Variants in SEPTIN9 observed in about 807,000 individuals in gnomAD.
SEPTIN9 encodes the protein septin-9.
A neutral mutation model predicts 56.6 loss-of-function variants in SEPTIN9; 13 were observed. The ratio of observed to expected loss-of-function variants is 0.23; its 90% CI spans 0.15 to 0.37. The LOEUF is 0.37. SEPTIN9 is among the 10% of genes least tolerant of loss of function. SEPTIN9 has a pLI of 1.00. For synonymous variants in SEPTIN9, 332 were observed against 334.1 expected (o/e 0.99, Z 0.07); for missense variants, 650 against 823.1 (o/e 0.79, Z 2.57).
intron 2 of SEPTIN9, among the ~76,000 whole-genome samples, chr17:77,379,290 GA>G (rs2035055592): frequency 6.6e-6 from 1 of 152,020 alleles, no homozygotes; most frequent in African/African-American, 2.4e-5. Flanking sequence ...AGCCCACCGA[GA>G]GCCTGAGCCC....
chr17:77,365,055 T>A (rs897713385), intron 2 of SEPTIN9, among the ~76,000 whole-genome samples: 5 of 152,238 alleles, frequency 3.3e-5, no homozygotes, highest in African/African-American at 1.2e-4. Context: ...CCAGCCCTTA[T>A]GTGGTTCGGT....
chr17:77,475,343 A>G lies in SEPTIN9; in HGVS notation c.722-6801A>G. ...GCGAGGCAGGGCTTCCCCAGGATTC[A>G]GCAGGGATCTGAAGGACTTTGCAGG... On this transcript the variant is annotated intron_variant, in intron 3 of 11. Transcript: ENST00000427177. This position sits in a 1 kb window ranked among gnomAD's most constrained non-coding sequence, Gnocchi z 4.6. The G allele has an allele frequency of 7.0e-7, 1 of 1,432,458 alleles. No individual in the cohort carries two copies. Among genetic ancestry groups the G allele is most frequent in the Non-Finnish European group, 9.1e-7 (1 of 1,099,014 alleles). 88.7% of individuals were successfully genotyped at this position (1,432,458 alleles called of 1,614,324 possible).
intron 2 of SEPTIN9, among the ~76,000 whole-genome samples, chr17:77,395,142 T>C (rs2035663795): frequency 6.6e-6 from 1 of 152,028 alleles, no homozygotes; most frequent in African/African-American, 2.4e-5. Context: ...CTCGGACTCC[T>C]GGCTCAAGCG....
chr17:77,432,344 C>T (rs774384897), intron 3 of SEPTIN9, among the ~76,000 whole-genome samples: 81 of 151,980 alleles, frequency 5.3e-4, no homozygotes, highest in Non-Finnish European at 7.8e-4. Context: ...GTCATCATCA[C>T]GGCGGCATTG....
chr17:77,353,501 A>AG (rs1156831913), intron 2 of SEPTIN9, among the ~76,000 whole-genome samples: 1 of 152,168 alleles, frequency 6.6e-6, no homozygotes, highest in Non-Finnish European at 1.5e-5. Context: ...GCATTCAAGC[A>AG]GGGGCCATGT....
At position 77,341,946 on chromosome 17, in the gene SEPTIN9, G is replaced by A. The variant is rs1462058810; in HGVS notation, c.76+34749G>A. On this transcript the variant is annotated intron_variant, in intron 2 of 11. Transcript: ENST00000427177. ...AGATACGAAAAAAATAGCCGGGCGT[G>A]GTGGTGGGTGCCTGTAGTCCCAGCT... Among the ~76,000 whole-genome samples the A allele has an allele frequency of 2.6e-5, 4 of 151,718 alleles. No individual in the cohort carries two copies. In the East Asian group the frequency reaches 5.8e-4, roughly 22 times the overall value.
chr17:77,467,718 C>T (rs997999726), intron 3 of SEPTIN9, among the ~76,000 whole-genome samples: 3 of 152,330 alleles, frequency 2.0e-5, no homozygotes, highest in East Asian at 1.9e-4. Context: ...GCGGAGACGC[C>T]GTGGGAAAGG....
In SEPTIN9 at chr17:77,445,958, A is replaced by T. The variant is rs943771217; in HGVS notation, c.722-36186A>T. On this transcript the variant is annotated intron_variant, in intron 3 of 11. Coordinates refer to ENST00000427177, the MANE Select transcript of SEPTIN9 (RefSeq NM_001113491.2). The surrounding 1 kb of genome is among the most constrained non-coding windows in gnomAD (Gnocchi z 4.7). ...GTGGGAAGTTCACTATCTCAAGAGC[A>T]GCAGCCTTGGAAAATCCAACACAGA... The T allele has an allele frequency of 1.8e-5, 3 of 170,436 alleles. No individual in the cohort carries two copies. The highest frequency in any genetic ancestry group is 4.3e-5 in the Non-Finnish European group (3 of 69,688). 10.6% of individuals were successfully genotyped at this position (170,436 alleles called of 1,614,324 possible).
chr17:77,406,225 A>G (rs1428613799), intron 3 of SEPTIN9, among the ~76,000 whole-genome samples: 3 of 152,050 alleles, frequency 2.0e-5, no homozygotes, highest in African/African-American at 7.2e-5. Context: ...TGCTCAGCTC[A>G]CACCTCTCTC....
intron 5 of SEPTIN9, 118 bp from the exon 6 acceptor site, chr17:77,488,122 G>T: frequency 1.1e-6 from 1 of 887,430 alleles, no homozygotes; most frequent in Admixed American, 1.9e-5. Flanking sequence ...TTAATTTCCC[G>T]GTGTCTCCTT....
chr17:77,453,147 T>G lies in SEPTIN9; in HGVS notation c.722-28997T>G, dbSNP rs755808491. Among the ~76,000 whole-genome samples the G allele has an allele frequency of 1.3e-5, 2 of 152,046 alleles. No homozygotes were observed. The highest frequency in any genetic ancestry group is 2.9e-5 in the Non-Finnish European group (2 of 68,008). On this transcript the variant is annotated intron_variant, in intron 3 of 11. Coordinates refer to ENST00000427177, the MANE Select transcript of SEPTIN9 (RefSeq NM_001113491.2). This position sits in a 1 kb window ranked among gnomAD's most constrained non-coding sequence, Gnocchi z 4.4. ...GTGATGGTGATGGGGCCAATTCAGC[T>G]GCGGTGGGGAGGACCCACTGTGTGC...
chr17:77,463,288 C>T (rs2038565314), intron 3 of SEPTIN9, among the ~76,000 whole-genome samples: 1 of 152,196 alleles, frequency 6.6e-6, no homozygotes, highest in Non-Finnish European at 1.5e-5. Context: ...TTGCCTTCAA[C>T]TGATCGGGTG....
rs537145981 is a variant in SEPTIN9 at position 77,433,241 on chromosome 17, A to G, written c.721+30538A>G. Reference sequence around the variant, plus strand: ...CTCTCGGTCACAGGATGCTGCAGCCACGTTGCAGGGAAGGAGAGCCTCCCT... The same window carrying G: ...CTCTCGGTCACAGGATGCTGCAGCCGCGTTGCAGGGAAGGAGAGCCTCCCT... On this transcript the variant is annotated intron_variant, in intron 3 of 11. Coordinates refer to ENST00000427177, the MANE Select transcript of SEPTIN9 (RefSeq NM_001113491.2). This position sits in a 1 kb window ranked among gnomAD's most constrained non-coding sequence, Gnocchi z 6.4. Among the ~76,000 whole-genome samples the G allele has an allele frequency of 6.6e-6, 1 of 152,280 alleles. No individual in the cohort carries two copies. Among genetic ancestry groups the G allele is most frequent in the East Asian group, 1.9e-4 (1 of 5,190 alleles).
chr17:77,342,383 T>C (rs1010660629), intron 2 of SEPTIN9, among the ~76,000 whole-genome samples: 5 of 152,244 alleles, frequency 3.3e-5, no homozygotes, highest in African/African-American at 7.2e-5. Flanking sequence ...ATTGTGACTT[T>C]ATGTTCGCCA....
rs112387373 is a variant in SEPTIN9 at position 77,375,614 on chromosome 17, G to C, written c.77-26445G>C. 637 of 152,302 alleles carry C rather than the reference G, an allele frequency of 4.2e-3. 4 individuals are homozygous for C. Among genetic ancestry groups the C allele is most frequent in the South Asian group, 0.026 (124 of 4,818 alleles). The allele number at this position is 152,302 out of a possible 1,614,324, so 9.4% of individuals were successfully genotyped here. ...CCCTGTAATTTAGTCCAAGACAATG[G>C]GCTCATTGAGACCATCCTGGTGCAG... On this transcript the variant is annotated intron_variant, in intron 2 of 11. Coordinates refer to ENST00000427177, the MANE Select transcript of SEPTIN9 (RefSeq NM_001113491.2).
chr17:77,391,575 G>C (rs887386169), intron 2 of SEPTIN9, among the ~76,000 whole-genome samples: 2 of 152,198 alleles, frequency 1.3e-5, no homozygotes, highest in Non-Finnish European at 2.9e-5. Flanking sequence ...GCAAAGATCC[G>C]TTTTCCAAAT....
chr17:77,316,416 G>A lies in SEPTIN9; in HGVS notation c.76+9219G>A, dbSNP rs369859746. On this transcript the variant is annotated intron_variant, in intron 2 of 11. Transcript: ENST00000427177. ...AAATGTTTGGATTTTCAGGCACGGA[G>A]GGGAGATGGACCTCAGGCCAAACCA... 2.8e-3 allele frequency among the ~76,000 whole-genome samples: 428 copies of A among 152,374 alleles called. 4 individuals are homozygous for A. Among genetic ancestry groups the A allele is most frequent in the African/African-American group, 9.8e-3 (407 of 41,592 alleles).
Position 77,310,424 on chromosome 17 carries a change from C to T in SEPTIN9, c.76+3227C>T, listed in dbSNP as rs934836629. Among the ~76,000 whole-genome samples the T allele has an allele frequency of 4.6e-5, 7 of 152,184 alleles. No homozygotes were observed. Among genetic ancestry groups the T allele is most frequent in the African/African-American group, 1.7e-4 (7 of 41,438 alleles). ...CCTGCCTGTGCCCACAACGTGACGGCGTGGAGACTTATCCGTGTAGATCCA... is the reference window on the plus strand; with the variant it reads ...CCTGCCTGTGCCCACAACGTGACGGTGTGGAGACTTATCCGTGTAGATCCA... On this transcript the variant is annotated intron_variant, in intron 2 of 11. Coordinates refer to ENST00000427177, the MANE Select transcript of SEPTIN9 (RefSeq NM_001113491.2). The surrounding 1 kb of genome is among the most constrained non-coding windows in gnomAD (Gnocchi z 4.7).
At position 77,471,707 on chromosome 17, in the gene SEPTIN9, A is replaced by G. The variant is rs971835370; in HGVS notation, c.722-10437A>G. 3.9e-5 allele frequency among the ~76,000 whole-genome samples: 6 copies of G among 152,224 alleles called. No individual in the cohort carries two copies. In the South Asian group the frequency reaches 1.0e-3, roughly 26 times the overall value. ...CCAGTGTCCACCCACCCACGGGGGAACTTTTCTTTCTCTTTGTAAGTTTGC... is the reference window on the plus strand; with the variant it reads ...CCAGTGTCCACCCACCCACGGGGGAGCTTTTCTTTCTCTTTGTAAGTTTGC... On this transcript the variant is annotated intron_variant, in intron 3 of 11. Coordinates refer to ENST00000427177, the MANE Select transcript of SEPTIN9 (RefSeq NM_001113491.2).
Sources: allele counts gnomAD v4.1 joint callset (sites outside exome capture counted in the v4.1 genomes callset), GRCh38; gene constraint gnomAD v4.1.1; non-coding constraint Gnocchi (gnomAD v3.1); transcripts MANE v1.5; gene names NCBI Gene and HGNC (gene_info 2026-07-23, HGNC 2026-07-21).